TPO: variants seen among roughly 807,000 people sequenced by gnomAD.
TPO encodes thyroid peroxidase.
TPO carries 78 observed loss-of-function variants against 96.9 expected under a neutral mutation model. The observed-to-expected ratio is 0.81, with a 90% CI of 0.67 to 0.97. The LOEUF is 0.97. Among genes scored for constraint, TPO ranks in the 50% least tolerant of loss-of-function variants. The pLI is 0.00. For synonymous variants in TPO, 547 were observed against 538.0 expected (o/e 1.02, Z -0.23); for missense variants, 1,252 against 1,274.8 (o/e 0.98, Z 0.27).
intron 7 of TPO, among the ~76,000 whole-genome samples, chr2:1,470,390 A>G (rs910526340): frequency 2.0e-5 from 3 of 152,226 alleles, no homozygotes; most frequent in African/African-American, 7.2e-5. Context: ...CCTTCACTCT[A>G]TATGATTGCT....
chr2:1,522,774 A>C (rs1317553960), intron 15 of TPO, among the ~76,000 whole-genome samples: 27 of 106,674 alleles, frequency 2.5e-4, no homozygotes, highest in African/African-American at 1.0e-3. Flanking sequence ...CACTGTGTGC[A>C]ACCTCCTCAA....
chr2:1,474,661 T>C (rs1054685364), intron 7 of TPO, among the ~76,000 whole-genome samples: 1 of 152,238 alleles, frequency 6.6e-6, no homozygotes, highest in Non-Finnish European at 1.5e-5. Flanking sequence ...TGGTTATTTC[T>C]ATTTTGTTAG....
chr2:1,518,608 G>A (rs1044062599), intron 15 of TPO, among the ~76,000 whole-genome samples: 4 of 152,056 alleles, frequency 2.6e-5, no homozygotes, highest in African/African-American at 9.7e-5. Context: ...TGATCTATCC[G>A]GCATATGATA....
intron 1 of TPO, among the ~76,000 whole-genome samples, chr2:1,384,256 T>G (rs930252821): frequency 6.6e-6 from 1 of 152,228 alleles, no homozygotes; most frequent in Non-Finnish European, 1.5e-5. Flanking sequence ...AGAAAGTCAT[T>G]GGTAGCTTCA....
chr2:1,426,173 G>A (rs942551404), intron 3 of TPO, among the ~76,000 whole-genome samples: 4 of 144,742 alleles, frequency 2.8e-5, no homozygotes, highest in Admixed American at 1.4e-4. Flanking sequence ...AGATGAGTTC[G>A]ATCATTTCAT....
intron 5 of TPO, among the ~76,000 whole-genome samples, chr2:1,451,163 T>C (rs1667269030): frequency 6.6e-6 from 1 of 152,158 alleles, no homozygotes; most frequent in African/African-American, 2.4e-5. Flanking sequence ...TGTACGGAGC[T>C]GCGTGGTGGC....
At chr2:1,399,535 A>G (rs868740732) in intron 1 of TPO, among the ~76,000 whole-genome samples, 1 of 152,258 alleles carries the variant, frequency 6.6e-6, no homozygotes, top group Non-Finnish European at 1.5e-5. Flanking sequence ...ACCCAGAATG[A>G]TGCATGATTT....
intron 5 of TPO, among the ~76,000 whole-genome samples, chr2:1,437,482 A>G (rs543132701): frequency 4.6e-5 from 7 of 152,140 alleles, no homozygotes; most frequent in Middle Eastern, 3.4e-3. Flanking sequence ...GGACCCAGGC[A>G]GAGCCCTGGC....
At chr2:1,478,779 G>A (rs182505364) in intron 8 of TPO, among the ~76,000 whole-genome samples, 39 of 151,548 alleles carry the variant, frequency 2.6e-4, no homozygotes, top group African/African-American at 7.3e-4. Flanking sequence ...CACGGCAGAC[G>A]AGTTCACTGT....
At chr2:1,464,729 C>A (rs1238823574) in intron 7 of TPO, among the ~76,000 whole-genome samples, 1 of 152,042 alleles carries the variant, frequency 6.6e-6, no homozygotes, top group Non-Finnish European at 1.5e-5. Context: ...TGTCCTTAGC[C>A]CACTTTTTGA....
intron 15 of TPO, among the ~76,000 whole-genome samples, chr2:1,537,641 G>T (rs575798990): frequency 1.4e-5 from 1 of 69,458 alleles, no homozygotes; most frequent in Non-Finnish European, 2.7e-5. Flanking sequence ...AACATCCCCA[G>T]ATCCCCCCCA....
intron 14 of TPO, among the ~76,000 whole-genome samples, chr2:1,516,568 C>T (rs1230325378): frequency 6.6e-6 from 1 of 152,208 alleles, no homozygotes; most frequent in Non-Finnish European, 1.5e-5. Context: ...AGAGCCCTCC[C>T]TGGTTTGGGC....
chr2:1,385,660 A>C (rs999530313), intron 1 of TPO, among the ~76,000 whole-genome samples: 2 of 151,892 alleles, frequency 1.3e-5, no homozygotes, highest in Non-Finnish European at 2.9e-5. Flanking sequence ...CAAAAAAAAA[A>C]CCAGCTCCTG....
chr2:1,464,657 T>G (rs1413146248), intron 7 of TPO, among the ~76,000 whole-genome samples: 1 of 152,206 alleles, frequency 6.6e-6, no homozygotes, highest in Non-Finnish European at 1.5e-5. Context: ...TCATTAGTGA[T>G]GAGCATTTTT....
intron 3 of TPO, among the ~76,000 whole-genome samples, chr2:1,427,117 G>A (rs915126013): frequency 2.6e-5 from 4 of 152,190 alleles, no homozygotes; most frequent in Admixed American, 2.0e-4. Context: ...TAGTGTTTAC[G>A]CTCATTCCCT....
At chr2:1,515,203 G>A (rs1035006799) in intron 14 of TPO, among the ~76,000 whole-genome samples, 4 of 152,140 alleles carry the variant, frequency 2.6e-5, no homozygotes, top group Non-Finnish European at 4.4e-5. Flanking sequence ...GCACACAGGC[G>A]GAGCCCCCAC....
intron 14 of TPO, among the ~76,000 whole-genome samples, chr2:1,510,512 A>G (rs13414566): frequency 0.61 from 92,215 of 152,002 alleles, 28,203 homozygotes; most frequent in African/African-American, 0.7. Flanking sequence ...ACCCACAGAA[A>G]GAAGGAGAAA....
At chr2:1,523,418 A>C in intron 15 of TPO, among the ~76,000 whole-genome samples, 1 of 123,158 alleles carries the variant, frequency 8.1e-6, no homozygotes, top group African/African-American at 3.2e-5. Flanking sequence ...AATCCCTCCC[A>C]CTCTGTGCAA....
At chr2:1,510,709 G>A (rs899672618) in intron 14 of TPO, among the ~76,000 whole-genome samples, 3 of 152,110 alleles carry the variant, frequency 2.0e-5, no homozygotes, top group African/African-American at 7.2e-5. Flanking sequence ...CACCGTGACC[G>A]GGGCCAGGAG....
Sources: gnomAD v4.1 joint callset for allele counts (sites outside exome capture counted in the v4.1 genomes callset) on GRCh38, gnomAD v4.1.1 for gene constraint, MANE v1.5 for transcripts, NCBI Gene and HGNC (gene_info 2026-07-23, HGNC 2026-07-21) for gene names.